SDHD: variants seen among roughly 807,000 people sequenced by gnomAD.
The protein encoded by SDHD is succinate dehydrogenase [ubiquinone] cytochrome b small subunit, mitochondrial.
In SDHD, 6 loss-of-function variants were observed where a neutral mutation model predicts 18.7. The ratio of observed to expected loss-of-function variants is 0.32; its 90% CI spans 0.18 to 0.63. The LOEUF (loss-of-function observed/expected upper bound fraction) is 0.63, where lower values mean the gene tolerates loss of function less well. Among genes scored for constraint, SDHD ranks in the 30% least tolerant of loss-of-function variants. The probability of loss-of-function intolerance (pLI) is 0.79; values close to 1 mark genes in which losing one functional copy is unlikely to be tolerated. For missense variants in SDHD, 160 were observed against 192.7 expected, an observed-to-expected ratio of 0.83 and a Z score of 1.00; for synonymous variants, 56 against 73.9, an observed-to-expected ratio of 0.76 and a Z score of 1.24.
intron 3 of SDHD, 138 bp from the exon 4 acceptor site, chr11:112,094,665 CAA>C: frequency 1.4e-6 from 1 of 723,030 alleles, no homozygotes; most frequent in Non-Finnish European, 2.4e-6. Context: ...CCTAAAGAAG[CAA>C]ACAGTGACAG....
chr11:112,087,089 A>G, intron 1 of SDHD, 130 bp downstream of exon 1: 1 of 1,015,784 alleles, frequency 9.8e-7, no homozygotes, highest in Non-Finnish European at 1.5e-6. Context: ...AGCAATGACC[A>G]CTGTAGTCTA....
Position 112,086,888 on chromosome 11 carries a change from C to G in SDHD, c.-20C>G, listed in dbSNP as rs372894110. On this transcript the variant is annotated 5_prime_UTR_variant, in exon 1 of 4. Transcript: ENST00000375549. Reference sequence around the variant, plus strand: ...AAGTGGTTCCGGGTTGGTGGATGACCTTGAGCCCTCAGGAACGAGATGGCG... The same window carrying G: ...AAGTGGTTCCGGGTTGGTGGATGACGTTGAGCCCTCAGGAACGAGATGGCG... 2 of 1,614,196 alleles carry G rather than the reference C, an allele frequency of 1.2e-6. No homozygotes were observed. Among genetic ancestry groups the G allele is most frequent in the Non-Finnish European group, 1.7e-6 (2 of 1,180,042 alleles).
chr11:112,094,775 T>C (rs1194004845), intron 3 of SDHD, 30 bp from the exon 4 acceptor site: 4 of 1,598,416 alleles, frequency 2.5e-6, no homozygotes, highest in African/African-American at 2.7e-5. Flanking sequence ...TGGTTTTTTA[T>C]TGATGTTATG....
In SDHD at chr11:112,087,892, C is replaced by T. The variant is rs561759202; in HGVS notation, c.88C>T (p.His30Tyr). ...TCGAACTCCAGTGGTCAGACCTGCTCATATCTCAGCATTTCTTCAGGACCG... is the reference window on the plus strand; with the variant it reads ...TCGAACTCCAGTGGTCAGACCTGCTTATATCTCAGCATTTCTTCAGGACCG... ...LLRTPVVRPA[H>Y]ISAFLQDRPI... The change falls in exon 2 of 4, where the codon CAT (histidine) becomes TAT (tyrosine). Residue 30 changes from histidine (H) to tyrosine (Y), a missense_variant. Transcript: ENST00000375549. The T allele has an allele frequency of 8.1e-6, 13 of 1,613,856 alleles. No individual in the cohort carries two copies. The East Asian group carries it at 1.3e-4, about 17-fold the overall frequency.
In SDHD at chr11:112,094,786, A is replaced by AT. The variant is rs2135277277; in HGVS notation, c.315-13dup. 1.9e-6 allele frequency: 3 copies of AT among 1,608,392 alleles called. No individual in the cohort carries two copies. In the South Asian group the frequency reaches 3.3e-5, roughly 18 times the overall value. On this transcript the variant is annotated intron_variant, in intron 3 of 3. Coordinates refer to ENST00000375549, the MANE Select transcript of SDHD (RefSeq NM_003002.4). Reference sequence around the variant, plus strand: ...ACTGTGGTTTTTTATTGATGTTATGATTTTTTCTTTTTCTTTAGGGGCCTT... The same window carrying AT: ...ACTGTGGTTTTTTATTGATGTTATGATTTTTTTCTTTTTCTTTAGGGGCCTT...
In SDHD at chr11:112,094,038, G is replaced by A. The variant is rs566906612; in HGVS notation, c.315-767G>A. 1.7e-4 allele frequency among the ~76,000 whole-genome samples: 26 copies of A among 152,156 alleles called. 1 individual carries two copies. In the East Asian group the frequency reaches 3.7e-3, roughly 21 times the overall value. ...TTTAGTTATTTTTAGTTATTGGGGT[G>A]AAAGGATCACTTGCAGCCAAGAGTT... On this transcript the variant is annotated intron_variant, in intron 3 of 3. Transcript: ENST00000375549.
intron 1 of SDHD, 152 bp from the exon 2 acceptor site, chr11:112,087,705 G>C (rs1339221364): frequency 2.7e-6 from 2 of 727,890 alleles, no homozygotes; most frequent in Non-Finnish European, 2.5e-6. Flanking sequence ...TAACTTCACA[G>C]TAACCCCAGT....
intron 3 of SDHD, among the ~76,000 whole-genome samples, chr11:112,092,655 C>T (rs557388233): frequency 5.9e-5 from 9 of 152,264 alleles, no homozygotes; most frequent in South Asian, 2.1e-4. Flanking sequence ...TTGGAACCCT[C>T]GTGGTTCTGC....
At chr11:112,091,630 C>G (rs941443682) in intron 3 of SDHD, among the ~76,000 whole-genome samples, 1 of 152,138 alleles carries the variant, frequency 6.6e-6, no homozygotes, top group Non-Finnish European at 1.5e-5. Context: ...CCAAATCGCT[C>G]TTTTTTCCCC....
In SDHD at chr11:112,087,937, G is replaced by A. The variant is rs2135267356; in HGVS notation, c.133G>A (p.Gly45Arg). Residue 45 changes from glycine to arginine, a missense_variant, in exon 2 of 4, where the codon GGA becomes AGA. Transcript: ENST00000375549. ...LQDRPIPEWC[G>R]VQHIHLSPSH... ...GGACCGACCTATCCCAGAATGGTGT[G>A]GAGTGCAGCACATACACTTGTCACC... The A allele has an allele frequency of 6.2e-7, 1 of 1,613,084 alleles. No individual in the cohort carries two copies. Among genetic ancestry groups the A allele is most frequent in the South Asian group, 1.1e-5 (1 of 91,062 alleles).
chr11:112,088,035 C>T, intron 2 of SDHD, 62 bp downstream of exon 2: 1 of 1,161,360 alleles, frequency 8.6e-7, no homozygotes, highest in South Asian at 1.2e-5. Flanking sequence ...CACTAATGGT[C>T]ATGCCTTTAG....
In SDHD at chr11:112,088,872, T is replaced by C. The variant is rs1592780294; in HGVS notation, c.175T>C (p.Ser59Pro). 1.2e-6 allele frequency: 2 copies of C among 1,612,236 alleles called. No individual in the cohort carries two copies. Among genetic ancestry groups the C allele is most frequent in the Non-Finnish European group, 1.7e-6 (2 of 1,179,900 alleles). The change falls in exon 3 of 4, where the codon TCC becomes CCC. Residue 59 changes from serine to proline, a missense_variant. Coordinates refer to ENST00000375549, the MANE Select transcript of SDHD (RefSeq NM_003002.4). ...GAATCTGGTCCTTTTTGTAGCTGGC[T>C]CCAAGGCTGCATCTCTCCACTGGAC... ...IHLSPSHHSG[S>P]KAASLHWTSE...
At chr11:112,091,184 T>A (rs1865739330) in intron 3 of SDHD, 1 of 656,592 alleles carries the variant, frequency 1.5e-6, no homozygotes, top group African/African-American at 2.0e-5. Context: ...CTGTCTATAA[T>A]GTGCTCCACT....
intron 3 of SDHD, chr11:112,093,027 CTTTT>C (rs1161641648): frequency 8.9e-4 from 121 of 135,490 alleles, no homozygotes; most frequent in South Asian, 2.4e-3. Flanking sequence ...TATTGTATGG[CTTTT>C]TTTTTTTTTT....
At position 112,086,920 on chromosome 11, in the gene SDHD, T is replaced by C. The variant is rs778202647; in HGVS notation, c.13T>C (p.Trp5Arg). The stretch of plus-strand genomic sequence containing the variant: ...CCTCAGGAACGAGATGGCGGTTCTC[T>C]GGAGGCTGAGTGCCGTTTGCGGTGC... MAVL[W>R]RLSAVCGALG... The change falls in exon 1 of 4, where the codon TGG becomes CGG. Residue 5 changes from tryptophan (W) to arginine (R), a missense_variant. Coordinates refer to ENST00000375549, the MANE Select transcript of SDHD (RefSeq NM_003002.4). 1.2e-6 allele frequency: 2 copies of C among 1,614,234 alleles called. No homozygotes were observed. Among genetic ancestry groups the C allele is most frequent in the Non-Finnish European group, 1.7e-6 (2 of 1,180,042 alleles).
chr11:112,092,456 T>C (rs73568092), intron 3 of SDHD, among the ~76,000 whole-genome samples: 1,786 of 152,266 alleles, frequency 0.012, 29 homozygotes, highest in African/African-American at 0.04. Flanking sequence ...GTGACCTTTT[T>C]AAAACGTAAA....
At chr11:112,088,731 A>AT in intron 2 of SDHD, 136 bp from the exon 3 acceptor site, 1 of 979,558 alleles carries the variant, frequency 1.0e-6, no homozygotes, top group South Asian at 1.3e-5. Context: ...CTATTTTGAT[A>AT]TTTTACTTCC....
At chr11:112,090,065 A>G (rs1566696310) in intron 3 of SDHD, among the ~76,000 whole-genome samples, 1 of 152,114 alleles carries the variant, frequency 6.6e-6, no homozygotes, top group Non-Finnish European at 1.5e-5. Context: ...CTCAGTAAAT[A>G]CTTGCTGAAT....
intron 1 of SDHD, among the ~76,000 whole-genome samples, chr11:112,087,378 G>C (rs916555731): frequency 6.6e-6 from 1 of 152,094 alleles, no homozygotes; most frequent in Non-Finnish European, 1.5e-5. Context: ...TTTAACCTGG[G>C]CATTTGTGTT....
Sources: allele counts gnomAD v4.1 joint callset (sites outside exome capture counted in the v4.1 genomes callset), GRCh38; gene constraint gnomAD v4.1.1; transcripts MANE v1.5; gene names NCBI Gene and HGNC (gene_info 2026-07-23, HGNC 2026-07-21).